The following TRAPPC12 variants were observed in gnomAD, a reference collection of about 807,000 sequenced individuals.
TRAPPC12 encodes TPR repeat protein 15.
Under a neutral mutation model 69.2 loss-of-function variants are expected in TRAPPC12, and 61 were observed. The observed-to-expected ratio is 0.88, with a 90% CI of 0.72 to 1.09. The LOEUF (loss-of-function observed/expected upper bound fraction) is 1.09. Ranked by LOEUF, TRAPPC12 falls within the 50% of genes least tolerant of loss-of-function variation. The pLI, the probability that TRAPPC12 is intolerant of heterozygous loss-of-function variation, is 0.00. For missense variants in TRAPPC12, 1,101 were observed against 1,016.4 expected, an observed-to-expected ratio of 1.08 and a Z score of -1.13; for synonymous variants, 469 against 438.9, an observed-to-expected ratio of 1.07 and a Z score of -0.86.
At chr2:3,406,233 C>A (rs144598971) in intron 3 of TRAPPC12, among the ~76,000 whole-genome samples, 4 of 152,142 alleles carry the variant, frequency 2.6e-5, no homozygotes, top group Admixed American at 6.5e-5. Context: ...TCGGAGTAAG[C>A]GCAAAAACCC....
intron 5 of TRAPPC12, among the ~76,000 whole-genome samples, chr2:3,438,242 CA>C (rs1663968021): frequency 9.0e-6 from 1 of 110,940 alleles, no homozygotes. Context: ...ATCCCCCCAT[CA>C]GCCCTGGATT....
At chr2:3,382,343 C>T (rs540076077) in intron 1 of TRAPPC12, among the ~76,000 whole-genome samples, 36 of 152,086 alleles carry the variant, frequency 2.4e-4, no homozygotes, top group African/African-American at 7.5e-4. Context: ...CTATGTTAGC[C>T]GGTATGGTCT....
chr2:3,452,005 A>G (rs1445470987), intron 6 of TRAPPC12, among the ~76,000 whole-genome samples: 1 of 152,238 alleles, frequency 6.6e-6, no homozygotes, highest in Non-Finnish European at 1.5e-5. Flanking sequence ...CTAAAACCAC[A>G]GGGATGTATG....
intron 6 of TRAPPC12, chr2:3,457,078 G>A: frequency 2.2e-6 from 1 of 463,414 alleles, no homozygotes; most frequent in Non-Finnish European, 4.4e-6. Context: ...ACGGGATAAG[G>A]AAAAGATGGT....
intron 5 of TRAPPC12, among the ~76,000 whole-genome samples, chr2:3,427,171 T>G (rs945849438): frequency 4.6e-5 from 7 of 152,242 alleles, no homozygotes; most frequent in Non-Finnish European, 1.0e-4. Context: ...CGGATCAGCC[T>G]TGTTTTCCCC....
At chr2:3,401,118 C>T (rs563430567) in intron 2 of TRAPPC12, among the ~76,000 whole-genome samples, 1 of 152,306 alleles carries the variant, frequency 6.6e-6, no homozygotes, top group South Asian at 2.1e-4. Context: ...GCATGAAGTG[C>T]GCCCAGCAGC....
At chr2:3,429,945 T>G (rs1002979275) in intron 5 of TRAPPC12, among the ~76,000 whole-genome samples, 1 of 152,204 alleles carries the variant, frequency 6.6e-6, no homozygotes, top group East Asian at 1.9e-4. Context: ...TTCAGTCCCC[T>G]CCCAGAGGCA....
chr2:3,432,347 C>T (rs1437967062), intron 5 of TRAPPC12, among the ~76,000 whole-genome samples: 3 of 152,240 alleles, frequency 2.0e-5, no homozygotes, highest in Non-Finnish European at 4.4e-5. Context: ...CATCAGCTGT[C>T]TGCTCCTCTA....
chr2:3,470,026 T>C (rs1665992258), intron 9 of TRAPPC12, among the ~76,000 whole-genome samples: 1 of 152,094 alleles, frequency 6.6e-6, no homozygotes, highest in South Asian at 2.1e-4. Flanking sequence ...AGGATTTGGG[T>C]TTCATCAGCA....
At chr2:3,477,307 C>T (rs1006547503) in intron 9 of TRAPPC12, among the ~76,000 whole-genome samples, 1 of 152,250 alleles carries the variant, frequency 6.6e-6, no homozygotes, top group Non-Finnish European at 1.5e-5. Context: ...TTACTAGCCA[C>T]AAGTAACTCA....
At chr2:3,441,401 A>T (rs1347076440) in intron 5 of TRAPPC12, among the ~76,000 whole-genome samples, 1 of 151,982 alleles carries the variant, frequency 6.6e-6, no homozygotes, top group Admixed American at 6.6e-5. Flanking sequence ...ATATTCCTTT[A>T]CTATTCTTTT....
chr2:3,383,871 GTTTTTTTTTT>G (rs34956958), intron 1 of TRAPPC12, among the ~76,000 whole-genome samples: 1 of 85,592 alleles, frequency 1.2e-5, no homozygotes, highest in Non-Finnish European at 2.3e-5. Context: ...GTTCAGTCTT[GTTTTTTTTTT>G]TTTTTTTTTT....
chr2:3,383,871 G>GTTTTTTTTTTTTTTTTTTTTTTTTTTTTT (rs34956958), intron 1 of TRAPPC12, among the ~76,000 whole-genome samples: 1 of 85,594 alleles, frequency 1.2e-5, no homozygotes, highest in African/African-American at 4.1e-5. Flanking sequence ...GTTCAGTCTT[G>GTTTTTTTTTTTTTTTTTTTTTTTTTTTTT]TTTTTTTTTT....
At chr2:3,433,125 G>A (rs1421116841) in intron 5 of TRAPPC12, among the ~76,000 whole-genome samples, 3 of 152,190 alleles carry the variant, frequency 2.0e-5, no homozygotes, top group African/African-American at 7.2e-5. Context: ...GACACTGTGT[G>A]CTTGGCCGGG....
intron 3 of TRAPPC12, among the ~76,000 whole-genome samples, chr2:3,411,239 C>G (rs1324256924): frequency 6.6e-6 from 1 of 152,136 alleles, no homozygotes; most frequent in African/African-American, 2.4e-5. Flanking sequence ...TTATTTCAAC[C>G]AGCCTGAATT....
intron 9 of TRAPPC12, among the ~76,000 whole-genome samples, chr2:3,477,262 C>G (rs1293680804): frequency 6.6e-6 from 1 of 152,212 alleles, no homozygotes; most frequent in Non-Finnish European, 1.5e-5. Flanking sequence ...CAAAATATTA[C>G]TTTGCAATTT....
rs529746013 is a variant in TRAPPC12 at position 3,387,873 on chromosome 2, G to A, written c.250G>A (p.Asp84Asn). The stretch of plus-strand genomic sequence containing the variant: ...CCCCAACAGCGAGGGCGACGCGGGC[G>A]ACCTGGGCCGAGTGCGGGACGAAGC... ...DSPNSEGDAG[D>N]LGRVRDEAEP... The change falls in exon 2 of 12, where the codon GAC becomes AAC. Residue 84 changes from aspartate (D) to asparagine (N), a missense_variant. Asp to Asn is a conservative substitution (Grantham distance 23, BLOSUM62 1). Transcript: ENST00000324266. The A allele has an allele frequency of 1.9e-6, 3 of 1,588,066 alleles. No homozygotes were observed. The highest frequency in any genetic ancestry group is 2.3e-5 in the East Asian group (1 of 43,508).
At chr2:3,399,581 C>T (rs1442157806) in intron 2 of TRAPPC12, among the ~76,000 whole-genome samples, 1 of 152,152 alleles carries the variant, frequency 6.6e-6, no homozygotes. Flanking sequence ...AAGAGACAGA[C>T]CTATGACCTG....
intron 1 of TRAPPC12, among the ~76,000 whole-genome samples, chr2:3,383,412 C>T (rs1464058454): frequency 1.3e-5 from 2 of 150,536 alleles, no homozygotes; most frequent in Non-Finnish European, 3.0e-5. Flanking sequence ...ACCCCCGCCC[C>T]GCCCGAGACG....
Sources: allele counts gnomAD v4.1 joint callset (sites outside exome capture counted in the v4.1 genomes callset), GRCh38; gene constraint gnomAD v4.1.1; transcripts MANE v1.5; gene names NCBI Gene and HGNC (gene_info 2026-07-23, HGNC 2026-07-21).